ANKRD17: variants seen among roughly 807,000 people sequenced by gnomAD.
ANKRD17 encodes the protein ankyrin repeat domain 17, also known as ankyrin repeat domain-containing protein 17.
ANKRD17 carries 19 observed loss-of-function variants against 229.7 expected under a neutral mutation model. The ratio of observed to expected loss-of-function variants is 0.08; its 90% CI spans 0.06 to 0.12. The LOEUF is 0.12. Ranked by LOEUF, ANKRD17 falls within the 10% of genes least tolerant of loss-of-function variation. The probability of loss-of-function intolerance (pLI) is 1.00; values close to 1 mark genes in which losing one functional copy is unlikely to be tolerated. For missense variants in ANKRD17, 2,176 were observed against 3,176.8 expected (o/e 0.68, Z 7.57); for synonymous variants, 1,112 against 1,146.1 (o/e 0.97, Z 0.60).
At chr4:73,129,372 A>T (rs1048263536) in intron 16 of ANKRD17, among the ~76,000 whole-genome samples, 4 of 152,234 alleles carry the variant, frequency 2.6e-5, no homozygotes, top group African/African-American at 9.6e-5. Context: ...TGAAGGAAAG[A>T]CAACTTTTAA....
chr4:73,154,211 A>G, intron 5 of ANKRD17, 98 bp from the exon 6 acceptor site: 1 of 646,802 alleles, frequency 1.5e-6, no homozygotes, highest in Non-Finnish European at 2.4e-6. Context: ...GAAGACTACA[A>G]CCATAATAAA....
intron 2 of ANKRD17, among the ~76,000 whole-genome samples, chr4:73,171,823 GA>G (rs1734080443): frequency 6.6e-6 from 1 of 152,096 alleles, no homozygotes; most frequent in East Asian, 1.9e-4. Flanking sequence ...TCAAGCGGAA[GA>G]AAGAATTAGT....
intron 1 of ANKRD17, among the ~76,000 whole-genome samples, chr4:73,242,081 A>T (rs34226666): frequency 6.6e-6 from 1 of 152,188 alleles, no homozygotes; most frequent in Admixed American, 6.5e-5. Context: ...TAAGAGAAAG[A>T]CAAGTATAAC....
In ANKRD17 at chr4:73,085,346, A is replaced by G. The variant is rs1030656209; in HGVS notation, c.7062T>C (p.Pro2354=). Residue 2354 remains proline (P), a synonymous_variant, in exon 30 of 34, where the codon CCT becomes CCC. Transcript: ENST00000358602. The part of the protein sequence containing the change: ...SNISGGQMYG[P]GAPLGGAPAA... ...CGGGTGCTCCTCCAAGGGGTGCCCCAGGTCCGTACATCTGACCTCCTGAAA... is the reference window on the plus strand; with the variant it reads ...CGGGTGCTCCTCCAAGGGGTGCCCCGGGTCCGTACATCTGACCTCCTGAAA... 6.2e-7 allele frequency: 1 copy of G among 1,614,038 alleles called. No homozygotes were observed. Among genetic ancestry groups the G allele is most frequent in the African/African-American group, 1.3e-5 (1 of 74,918 alleles).
intron 2 of ANKRD17, among the ~76,000 whole-genome samples, chr4:73,173,518 C>A (rs80308728): frequency 3.3e-5 from 5 of 152,224 alleles, no homozygotes; most frequent in African/African-American, 1.2e-4. Context: ...CCACAAACTC[C>A]GGCTCTAAGA....
chr4:73,209,453 GA>G (rs919302832), intron 1 of ANKRD17, among the ~76,000 whole-genome samples: 7 of 151,606 alleles, frequency 4.6e-5, no homozygotes, highest in African/African-American at 1.5e-4. Context: ...AAATCTGACA[GA>G]AAAAAAATCT....
intron 22 of ANKRD17, among the ~76,000 whole-genome samples, chr4:73,117,326 G>C (rs1465486582): frequency 1.3e-5 from 2 of 152,088 alleles, no homozygotes; most frequent in African/African-American, 4.8e-5. Context: ...GATTCTAATG[G>C]GAGATAAGAT....
At chr4:73,175,539 T>C (rs2148985316) in intron 2 of ANKRD17, among the ~76,000 whole-genome samples, 1 of 152,306 alleles carries the variant, frequency 6.6e-6, no homozygotes, top group South Asian at 2.1e-4. Flanking sequence ...AGAATCACAT[T>C]ACCTGATTTC....
At chr4:73,184,144 ACTC>A (rs1735947570) in intron 1 of ANKRD17, among the ~76,000 whole-genome samples, 2 of 152,060 alleles carry the variant, frequency 1.3e-5, no homozygotes, top group South Asian at 2.1e-4. Flanking sequence ...ATTTCAAACT[ACTC>A]CTCAAGTTAG....
At chr4:73,094,655 TTATA>T (rs539978898) in intron 27 of ANKRD17, among the ~76,000 whole-genome samples, 1 of 151,034 alleles carries the variant, frequency 6.6e-6, no homozygotes, top group Non-Finnish European at 1.5e-5. Context: ...CACAAATGTA[TTATA>T]TATACATATA....
At chr4:73,244,459 T>A (rs1560781507) in intron 1 of ANKRD17, among the ~76,000 whole-genome samples, 1 of 152,016 alleles carries the variant, frequency 6.6e-6, no homozygotes, top group Non-Finnish European at 1.5e-5. Flanking sequence ...AATTAAAAAT[T>A]AAAAAAAATT....
rs78354099 is a variant in ANKRD17, at chr4:73,205,847, T to C, written c.394-28314A>G. Among the ~76,000 whole-genome samples, 303 of 152,288 alleles carry C rather than the reference T, an allele frequency of 2.0e-3. 1 individual carries two copies. Among genetic ancestry groups the C allele is most frequent in the Non-Finnish European group, 3.1e-3 (214 of 68,012 alleles). ...AAATATTTTTAAACATATATCTGAT[T>C]AGGGGTTAATGCCAAAAACACATAA... On this transcript the variant is annotated intron_variant, in intron 1 of 33. Coordinates refer to ENST00000358602, the MANE Select transcript of ANKRD17 (RefSeq NM_032217.5).
chr4:73,147,157 T>A, intron 9 of ANKRD17, 84 bp downstream of exon 9: 1 of 1,285,374 alleles, frequency 7.8e-7, no homozygotes, highest in Non-Finnish European at 1.1e-6. Context: ...CAGTGTATCA[T>A]AGCATCATAA....
intron 1 of ANKRD17, among the ~76,000 whole-genome samples, chr4:73,205,380 G>GCTAGCAACCA (rs1313914688): frequency 6.6e-6 from 1 of 152,026 alleles, no homozygotes. Context: ...AAAACTGCAT[G>GCTAGCAACCA]ACACTAGCAA....
In ANKRD17 at chr4:73,139,513, A is replaced by G. The variant is rs1472625283; in HGVS notation, c.3085+18T>C. On this transcript the variant is annotated intron_variant, in intron 15 of 33. Transcript: ENST00000358602. The stretch of plus-strand genomic sequence containing the variant: ...AGCAAATCATATTTGATACCTGCTC[A>G]TAACAATATAAACCCACCTGCCATG... 1 of 1,592,760 alleles carries G rather than the reference A, an allele frequency of 6.3e-7. No homozygotes were observed. The highest frequency in any genetic ancestry group is 2.2e-5 in the East Asian group (1 of 44,602).
At chr4:73,250,645 T>TAATAATGGC (rs1161442636) in intron 1 of ANKRD17, among the ~76,000 whole-genome samples, 2 of 123,988 alleles carry the variant, frequency 1.6e-5, no homozygotes, top group African/African-American at 6.4e-5. Context: ...TTAAAGACAC[T>TAATAATGGC]AATAATGGCT....
chr4:73,255,443 A>G (rs2149292001), intron 1 of ANKRD17, among the ~76,000 whole-genome samples: 1 of 152,348 alleles, frequency 6.6e-6, no homozygotes, highest in Admixed American at 6.5e-5. Flanking sequence ...AATTTTAAAG[A>G]TCATTTTATC....
chr4:73,089,227 G>T (rs1207657443), intron 29 of ANKRD17, among the ~76,000 whole-genome samples: 1 of 151,634 alleles, frequency 6.6e-6, no homozygotes, highest in African/African-American at 2.4e-5. Flanking sequence ...TGTAGAGATG[G>T]GGTCTCCCCT....
intron 10 of ANKRD17, among the ~76,000 whole-genome samples, chr4:73,145,752 AGT>A: frequency 6.6e-6 from 1 of 152,186 alleles, no homozygotes; most frequent in Non-Finnish European, 1.5e-5. Context: ...GTTCTATTCT[AGT>A]TAGTTGTGTG....
Sources: gnomAD v4.1 joint callset for allele counts (sites outside exome capture counted in the v4.1 genomes callset) on GRCh38, gnomAD v4.1.1 for gene constraint, MANE v1.5 for transcripts, NCBI Gene and HGNC (gene_info 2026-07-23, HGNC 2026-07-21) for gene names.